Variants in MRAP2 observed in about 807,000 individuals in gnomAD.
MRAP2 encodes the protein melanocortin-2 receptor accessory protein 2.
Under a neutral mutation model 17.4 loss-of-function variants are expected in MRAP2, and 20 were observed. The ratio of observed to expected loss-of-function variants is 1.15; its 90% CI spans 0.81 to 1.67. The LOEUF is 1.67. MRAP2 is among the 40% of genes most tolerant of loss of function. MRAP2 has a pLI of 0.00. For synonymous variants in MRAP2, 96 were observed against 88.4 expected, an observed-to-expected ratio of 1.09 and a Z score of -0.48; for missense variants, 238 against 240.0, an observed-to-expected ratio of 0.99 and a Z score of 0.05.
At chr6:84,066,987 C>G (rs112333275) in intron 3 of MRAP2, among the ~76,000 whole-genome samples, 2 of 152,216 alleles carry the variant, frequency 1.3e-5, no homozygotes, top group African/African-American at 4.8e-5. Context: ...ACCCATCACC[C>G]GAGCAGTATA....
the MRAP2 span, among the ~76,000 whole-genome samples, chr6:84,128,857 G>A: frequency 1.1e-4 from 8 of 74,532 alleles, no homozygotes; most frequent in Non-Finnish European, 1.6e-4. Flanking sequence ...CCAACCCCCC[G>A]ACAGGCCCCG....
chr6:84,040,671 G>C (rs975445051), intron 1 of MRAP2, among the ~76,000 whole-genome samples: 1 of 152,176 alleles, frequency 6.6e-6, no homozygotes, highest in Admixed American at 6.5e-5. Flanking sequence ...TGAGGAATTT[G>C]TTGGTAACTG....
At chr6:84,133,812 C>T in the MRAP2 span, among the ~76,000 whole-genome samples, 5 of 152,156 alleles carry the variant, frequency 3.3e-5, no homozygotes. Context: ...CTTGCGCTTC[C>T]TGGGTGAGGT....
intron 2 of MRAP2, among the ~76,000 whole-genome samples, chr6:84,060,033 G>A (rs1013538966): frequency 4.6e-5 from 7 of 152,180 alleles, no homozygotes; most frequent in African/African-American, 1.7e-4. Flanking sequence ...ATCCCCTGGG[G>A]ATGGGTCATA....
the MRAP2 span, among the ~76,000 whole-genome samples, chr6:84,118,482 A>G: frequency 2.0e-4 from 31 of 152,230 alleles, no homozygotes; most frequent in East Asian, 3.3e-3. Context: ...GTCCCGCCCC[A>G]TGAAGAGGAA....
intron 3 of MRAP2, among the ~76,000 whole-genome samples, chr6:84,084,550 G>C (rs771170629): frequency 3.9e-5 from 6 of 152,190 alleles, no homozygotes; most frequent in Non-Finnish European, 8.8e-5. Context: ...GTTGTAATCT[G>C]TAAAGCTGTT....
chr6:84,141,047 T>C, the MRAP2 span, among the ~76,000 whole-genome samples: 1 of 152,132 alleles, frequency 6.6e-6, no homozygotes, highest in South Asian at 2.1e-4. Context: ...CACGCTCCTA[T>C]GAGAATCTAA....
downstream of MRAP2, among the ~76,000 whole-genome samples, chr6:84,093,210 C>G (rs566099345): frequency 6.6e-6 from 1 of 151,234 alleles, no homozygotes; most frequent in South Asian, 2.1e-4. Context: ...GTATAGACAT[C>G]AAGAGAGATC....
At chr6:84,123,088 C>T in the MRAP2 span, among the ~76,000 whole-genome samples, 18 of 151,978 alleles carry the variant, frequency 1.2e-4, no homozygotes, top group East Asian at 3.9e-4. Context: ...CACAAGCAAA[C>T]GGAAATACAT....
chr6:84,100,013 C>A, the MRAP2 span, among the ~76,000 whole-genome samples: 1 of 152,088 alleles, frequency 6.6e-6, no homozygotes, highest in Non-Finnish European at 1.5e-5. Context: ...GCGCATGCCC[C>A]CATGCCCAGC....
chr6:84,084,845 A>C (rs1244824350), intron 3 of MRAP2, among the ~76,000 whole-genome samples: 4 of 147,878 alleles, frequency 2.7e-5, no homozygotes, highest in East Asian at 2.0e-4. Flanking sequence ...GTATTTGAGA[A>C]TCTCATTTCA....
chr6:84,143,293 G>T, the MRAP2 span, among the ~76,000 whole-genome samples: 2 of 151,946 alleles, frequency 1.3e-5, no homozygotes, highest in African/African-American at 4.8e-5. Flanking sequence ...TATGCTTCTA[G>T]AAGTCATGAA....
Position 84,089,368 on chromosome 6 carries a change from T to C in MRAP2, c.505T>C (p.Phe169Leu), listed in dbSNP as rs1323057809. 6.2e-7 allele frequency: 1 copy of C among 1,614,170 alleles called. No individual in the cohort carries two copies. The highest frequency in any genetic ancestry group is 8.5e-7 in the Non-Finnish European group (1 of 1,180,028). ...NRLMKFDIPN[F>L]VNTDQNYFGE... is the part of the protein sequence containing the mutation. ...GCTCATGAAGTTTGACATCCCCAAC[T>C]TTGTGAACACAGACCAGAACTACTT... The change falls in exon 4 of 4, where the codon TTT (phenylalanine) becomes CTT (leucine). Residue 169 changes from phenylalanine (F) to leucine (L), a missense_variant. Coordinates refer to ENST00000257776, the MANE Select transcript of MRAP2 (RefSeq NM_138409.4).
chr6:84,092,701 T>G (rs1387099931), downstream of MRAP2, among the ~76,000 whole-genome samples: 1 of 152,132 alleles, frequency 6.6e-6, no homozygotes, highest in Non-Finnish European at 1.5e-5. Flanking sequence ...ATACTTAAGT[T>G]CCACAGTAGG....
chr6:84,081,281 G>C (rs1232003918), intron 3 of MRAP2, among the ~76,000 whole-genome samples: 3 of 152,184 alleles, frequency 2.0e-5, no homozygotes, highest in Non-Finnish European at 4.4e-5. Context: ...GGGAAAAACT[G>C]TCTACTGCAT....
intron 3 of MRAP2, among the ~76,000 whole-genome samples, chr6:84,072,105 A>G (rs2099496334): frequency 6.6e-6 from 1 of 152,106 alleles, no homozygotes; most frequent in Middle Eastern, 3.4e-3. Context: ...GTTTGCATCC[A>G]TTGCTGGTGA....
At chr6:84,138,899 T>C in the MRAP2 span, among the ~76,000 whole-genome samples, 2 of 152,214 alleles carry the variant, frequency 1.3e-5, no homozygotes, top group African/African-American at 4.8e-5. Context: ...AACTAGCCTT[T>C]CAACTACTAG....
At chr6:84,140,670 C>T in the MRAP2 span, among the ~76,000 whole-genome samples, 1 of 151,868 alleles carries the variant, frequency 6.6e-6, no homozygotes, top group East Asian at 1.9e-4. Context: ...GGACTACAGG[C>T]GCATGTTACT....
chr6:84,139,413 T>TG, the MRAP2 span, among the ~76,000 whole-genome samples: 1 of 152,266 alleles, frequency 6.6e-6, no homozygotes, highest in Non-Finnish European at 1.5e-5. Context: ...TCCTGTGATG[T>TG]GTGCTGCACA....
Sources: gnomAD v4.1 joint callset for allele counts (sites outside exome capture counted in the v4.1 genomes callset) on GRCh38, gnomAD v4.1.1 for gene constraint, MANE v1.5 for transcripts, NCBI Gene and HGNC (gene_info 2026-07-23, HGNC 2026-07-21) for gene names.